The following PPP1R3A variants were observed in gnomAD, a reference collection of about 807,000 sequenced individuals.
The protein encoded by PPP1R3A is RG1.
In PPP1R3A, 29 loss-of-function variants were observed where a neutral mutation model predicts 41.7. The ratio of observed to expected loss-of-function variants is 0.70; its 90% CI spans 0.52 to 0.95. The LOEUF is 0.95. Among genes scored for constraint, PPP1R3A ranks in the 40% least tolerant of loss-of-function variants. The pLI is 0.00. For synonymous variants in PPP1R3A, 485 were observed against 453.4 expected, an observed-to-expected ratio of 1.07 and a Z score of -0.89; for missense variants, 1,352 against 1,292.4, an observed-to-expected ratio of 1.05 and a Z score of -0.71.
chr7:113,879,153 C>T lies in PPP1R3A; in HGVS notation c.1939G>A (p.Asp647Asn), dbSNP rs1319301933. Residue 647 changes from aspartate (D) to asparagine (N), a missense_variant, in exon 4 of 4, where the codon GAT becomes AAT. By Grantham distance (23) the Asp-to-Asn change is conservative. Coordinates refer to ENST00000284601, the MANE Select transcript of PPP1R3A (RefSeq NM_002711.4). ...KSGGINSEDQDNSPQHKQSWN... is the reference protein window; with the variant it reads ...KSGGINSEDQNNSPQHKQSWN... ...CTTTGTTTATGCTGTGGGCTATTAT[C>T]CTGATCTTCAGAATTAATCCCACCT... 6.2e-7 allele frequency: 1 copy of T among 1,613,676 alleles called. No individual in the cohort carries two copies. The highest frequency in any genetic ancestry group is 1.7e-5 in the Admixed American group (1 of 59,876).
At chr7:113,909,553 T>G (rs1408062337) in intron 1 of PPP1R3A, among the ~76,000 whole-genome samples, 6 of 152,158 alleles carry the variant, frequency 3.9e-5, no homozygotes. Flanking sequence ...TGTATGGTCC[T>G]GGTAATAGTG....
chr7:113,879,943 G>A lies in PPP1R3A; in HGVS notation c.1149C>T (p.Ser383=), dbSNP rs776690728. 1.3e-5 allele frequency: 21 copies of A among 1,613,466 alleles called. No homozygotes were observed. Among genetic ancestry groups the A allele is most frequent in the South Asian group, 9.9e-5 (9 of 91,076 alleles). Residue 383 remains serine (S), a synonymous_variant, in exon 4 of 4, where the codon TCC becomes TCT. Transcript: ENST00000284601. ...CATTGCAGTAAAAATCTCCCTTTAC[G>A]GAGCTTTCTGCTGATGAACTTGGAG... ...SLSPSSSAES[S]VKGDFYCNEK...
At position 113,878,733 on chromosome 7, in the gene PPP1R3A, G is replaced by A. The variant is rs748805057; in HGVS notation, c.2359C>T (p.Leu787Phe). The A allele has an allele frequency of 1.2e-6, 2 of 1,613,408 alleles. No individual in the cohort carries two copies. The highest frequency in any genetic ancestry group is 1.7e-5 in the Admixed American group (1 of 59,848). The change falls in exon 4 of 4, where the codon CTT (leucine) becomes TTT (phenylalanine). Residue 787 changes from leucine to phenylalanine, a missense_variant. Coordinates refer to ENST00000284601, the MANE Select transcript of PPP1R3A (RefSeq NM_002711.4). The part of the protein sequence containing the change: ...EGRNDDSHYT[L>F]CQRDTVGVIY... ...ACACCTACTGTATCTCGTTGACAAA[G>A]GGTATAATGTGAATCATCATTTCTC...
Position 113,879,738 on chromosome 7 carries a change from G to T in PPP1R3A, c.1354C>A (p.Gln452Lys). ...ANPAHGNGTV[Q>K]IPCPSSDQLM... The stretch of plus-strand genomic sequence containing the variant: ...TGATCTGAAGAGGGGCAAGGTATTT[G>T]CACTGTGCCATTGCCATGGGCTGGA... The change falls in exon 4 of 4, where the codon CAA becomes AAA. Residue 452 changes from glutamine to lysine, a missense_variant. Coordinates refer to ENST00000284601, the MANE Select transcript of PPP1R3A (RefSeq NM_002711.4). 6.2e-7 allele frequency: 1 copy of T among 1,613,288 alleles called. No homozygotes were observed.
chr7:113,908,160 C>A (rs1797175522), intron 1 of PPP1R3A, among the ~76,000 whole-genome samples: 1 of 151,676 alleles, frequency 6.6e-6, no homozygotes, highest in Admixed American at 6.6e-5. Context: ...CACATAATTG[C>A]CAATGTCTAA....
chr7:113,905,187 A>G (rs1797124996), intron 1 of PPP1R3A, among the ~76,000 whole-genome samples: 2 of 151,720 alleles, frequency 1.3e-5, no homozygotes, highest in Non-Finnish European at 3.0e-5. Flanking sequence ...TATTTTTGCT[A>G]TATAAAATAC....
At chr7:113,898,395 T>G (rs1425891307) in intron 1 of PPP1R3A, among the ~76,000 whole-genome samples, 3 of 151,706 alleles carry the variant, frequency 2.0e-5, no homozygotes, top group Non-Finnish European at 4.4e-5. Context: ...CCTGAGGGCT[T>G]AGTATGACTA....
chr7:113,909,826 G>A (rs562689171), intron 1 of PPP1R3A, among the ~76,000 whole-genome samples: 1 of 152,024 alleles, frequency 6.6e-6, no homozygotes, highest in Non-Finnish European at 1.5e-5. Flanking sequence ...ACAGAACAAC[G>A]TAAGTGGCTA....
intron 1 of PPP1R3A, among the ~76,000 whole-genome samples, chr7:113,888,525 TG>T (rs1332197605): frequency 1.4e-4 from 21 of 152,306 alleles, no homozygotes; most frequent in Non-Finnish European, 2.9e-4. Flanking sequence ...TCTACATTGT[TG>T]CCCCTTCCAA....
chr7:113,896,047 G>A (rs1336240225), intron 1 of PPP1R3A, among the ~76,000 whole-genome samples: 4 of 151,858 alleles, frequency 2.6e-5, no homozygotes, highest in African/African-American at 4.8e-5. Context: ...GCGGATCATT[G>A]ACATGATAGG....
chr7:113,886,867 G>T (rs974694951), intron 1 of PPP1R3A, among the ~76,000 whole-genome samples: 1 of 152,084 alleles, frequency 6.6e-6, no homozygotes, highest in Non-Finnish European at 1.5e-5. Context: ...TGACAATTGT[G>T]ACATGAAGAA....
In PPP1R3A at chr7:113,918,072, C is replaced by T. The variant is rs549921428; in HGVS notation, c.782+143G>A. 73 of 776,792 alleles carry T rather than the reference C, an allele frequency of 9.4e-5. No individual in the cohort carries two copies. In the African/African-American group the frequency reaches 1.0e-3, roughly 11 times the overall value. The allele number at this position is 776,792 out of a possible 1,614,324, so 48.1% of individuals were successfully genotyped here. A position where few individuals can be genotyped will look rare whatever the true frequency, so the allele number is the denominator to read the frequency against. ...GTGCTATTATTTGAATAGCTTTGACCTTGTTAAAGCCTGGCACCATTGTTT... is the reference window on the plus strand; with the variant it reads ...GTGCTATTATTTGAATAGCTTTGACTTTGTTAAAGCCTGGCACCATTGTTT... On this transcript the variant is annotated intron_variant, in intron 1 of 3. Transcript: ENST00000284601.
At chr7:113,892,287 AGTAT>A (rs1796904931) in intron 1 of PPP1R3A, among the ~76,000 whole-genome samples, 1 of 152,186 alleles carries the variant, frequency 6.6e-6, no homozygotes, top group Admixed American at 6.6e-5. Flanking sequence ...ACTCAAGAGT[AGTAT>A]GTCATTGGCA....
chr7:113,907,770 G>A (rs1294455430), intron 1 of PPP1R3A, among the ~76,000 whole-genome samples: 3 of 151,664 alleles, frequency 2.0e-5, no homozygotes, highest in Admixed American at 6.6e-5. Context: ...AAAATAGACC[G>A]TACCTGGAGG....
rs138625414 is a variant in PPP1R3A at position 113,885,204 on chromosome 7, C to T, written c.783-2884G>A. ...AGATTACAGGCACAGACATGTGACA[C>T]GACATCCTGCTAATTTGTACTTTAG... On this transcript the variant is annotated intron_variant, in intron 1 of 3. Transcript: ENST00000284601. Among the ~76,000 whole-genome samples the T allele has an allele frequency of 1.5e-3, 227 of 152,126 alleles. 1 individual carries two copies. The highest frequency in any genetic ancestry group is 5.2e-3 in the African/African-American group (216 of 41,508).
Position 113,879,562 on chromosome 7 carries a change from A to C in PPP1R3A, c.1530T>G (p.Tyr510Ter). 6.2e-7 allele frequency: 1 copy of C among 1,613,008 alleles called. No individual in the cohort carries two copies. The highest frequency in any genetic ancestry group is 8.5e-7 in the Non-Finnish European group (1 of 1,179,464). Reference sequence around the variant, plus strand: ...CTTCATCATCCTTACCATTGCCATAATAATCTTCCTTAGAAGATCCTTCTT... The same window carrying C: ...CTTCATCATCCTTACCATTGCCATACTAATCTTCCTTAGAAGATCCTTCTT... The part of the protein sequence containing the change: ...STEEGSSKED[Y>*]YGNGKDDEEQ... Residue 510 changes from tyrosine to a stop codon, truncating the protein, a stop_gained, in exon 4 of 4, where the codon TAT becomes TAG. Coordinates refer to ENST00000284601, the MANE Select transcript of PPP1R3A (RefSeq NM_002711.4). LOFTEE classifies it low-confidence loss of function (END_TRUNC).
At chr7:113,890,356 A>C (rs1796859624) in intron 1 of PPP1R3A, among the ~76,000 whole-genome samples, 1 of 152,174 alleles carries the variant, frequency 6.6e-6, no homozygotes, top group South Asian at 2.1e-4. Context: ...GGAACCTCAG[A>C]GTTAGCTGAA....
chr7:113,897,492 G>C (rs143510932), intron 1 of PPP1R3A, among the ~76,000 whole-genome samples: 220 of 151,372 alleles, frequency 1.5e-3, no homozygotes, highest in African/African-American at 4.4e-3. Context: ...ACTGGAGTTC[G>C]AAGCTGCAGT....
In PPP1R3A at chr7:113,879,703, T is replaced by C. The variant is rs1796651915; in HGVS notation, c.1389A>G (p.Ala463=). Residue 463 remains alanine (A), a synonymous_variant, in exon 4 of 4, where the codon GCA becomes GCG. Transcript: ENST00000284601. ...CTTCATGTTTTTTATTAAGGTTTCCTGCCATTAGTTGATCTGAAGAGGGGC... is the reference window on the plus strand; with the variant it reads ...CTTCATGTTTTTTATTAAGGTTTCCCGCCATTAGTTGATCTGAAGAGGGGC... ...IPCPSSDQLM[A]GNLNKKHEGG... is the part of the protein sequence containing the mutation. 6.2e-7 allele frequency: 1 copy of C among 1,613,132 alleles called. No homozygotes were observed. Among genetic ancestry groups the C allele is most frequent in the Non-Finnish European group, 8.5e-7 (1 of 1,179,648 alleles).
Sources: allele counts gnomAD v4.1 joint callset (sites outside exome capture counted in the v4.1 genomes callset), GRCh38; gene constraint gnomAD v4.1.1; transcripts MANE v1.5; gene names NCBI Gene and HGNC (gene_info 2026-07-23, HGNC 2026-07-21).